Variants in FOCAD observed in about 807,000 individuals in gnomAD.
The protein encoded by FOCAD is KIAA1797.
In FOCAD, 198 loss-of-function variants were observed where a neutral mutation model predicts 225.6. The observed-to-expected ratio is 0.88, with a 90% confidence interval of 0.78 to 0.99. The LOEUF (loss-of-function observed/expected upper bound fraction) is 0.99. Among genes scored for constraint, FOCAD ranks in the 50% least tolerant of loss-of-function variants. The pLI is 0.00. For missense variants in FOCAD, 2,713 were observed against 2,123.6 expected (o/e 1.28, Z -5.46); for synonymous variants, 897 against 755.0 (o/e 1.19, Z -3.08).
At chr9:20,682,124 A>G (rs969201987), upstream of FOCAD, among the ~76,000 whole-genome samples, 2 of 152,206 alleles carry the variant, frequency 1.3e-5, no homozygotes, top group African/African-American at 2.4e-5. Context: ...GGCACCATCC[A>G]TGAGGAATGG....
intron 9 of FOCAD, 115 bp from the exon 10 acceptor site, chr9:20,781,612 G>A (rs928672281): frequency 5.3e-5 from 41 of 779,964 alleles, no homozygotes; most frequent in Non-Finnish European, 9.0e-5. Flanking sequence ...TTATGTGTCT[G>A]ACCCAGTTAT....
At chr9:20,725,772 G>C (rs1274017238) in intron 4 of FOCAD, among the ~76,000 whole-genome samples, 1 of 152,184 alleles carries the variant, frequency 6.6e-6, no homozygotes, top group Non-Finnish European at 1.5e-5. Flanking sequence ...TGATCTGGTT[G>C]TCTAAACTTC....
At chr9:20,810,791 G>A (rs889833626) in intron 11 of FOCAD, among the ~76,000 whole-genome samples, 1 of 152,038 alleles carries the variant, frequency 6.6e-6, no homozygotes, top group South Asian at 2.1e-4. Context: ...AGGAAGGGTC[G>A]TGGCTATTTT....
At chr9:20,979,832 C>A (rs1207945009) in intron 37 of FOCAD, among the ~76,000 whole-genome samples, 1 of 152,190 alleles carries the variant, frequency 6.6e-6, no homozygotes, top group Non-Finnish European at 1.5e-5. Context: ...TGAGTACTTA[C>A]AGAAATCAGA....
chr9:20,831,493 C>T (rs1201868870), intron 15 of FOCAD, among the ~76,000 whole-genome samples: 1 of 152,032 alleles, frequency 6.6e-6, no homozygotes, highest in Non-Finnish European at 1.5e-5. Context: ...CTTCTAGGAG[C>T]TCACAGTCTG....
At chr9:20,972,946 T>C (rs1839891158) in intron 35 of FOCAD, among the ~76,000 whole-genome samples, 1 of 152,036 alleles carries the variant, frequency 6.6e-6, no homozygotes, top group Non-Finnish European at 1.5e-5. Flanking sequence ...TCCTTGTTCC[T>C]GTGCTTCTGC....
chr9:20,861,784 T>C (rs1217042457), intron 15 of FOCAD, among the ~76,000 whole-genome samples: 1 of 152,198 alleles, frequency 6.6e-6, no homozygotes, highest in Non-Finnish European at 1.5e-5. Flanking sequence ...GACTATCTAA[T>C]TGATCTGTGT....
intron 1 of FOCAD, among the ~76,000 whole-genome samples, chr9:20,691,245 T>A (rs1822957808): frequency 6.6e-6 from 1 of 151,990 alleles, no homozygotes; most frequent in South Asian, 2.1e-4. Flanking sequence ...GCTGGCCCAA[T>A]CTCTGCTTCT....
chr9:20,785,037 G>C (rs1297426635), intron 10 of FOCAD, among the ~76,000 whole-genome samples: 1 of 151,988 alleles, frequency 6.6e-6, no homozygotes, highest in African/African-American at 2.4e-5. Flanking sequence ...CCTTCATGGG[G>C]TGGTTTATTG....
intron 7 of FOCAD, among the ~76,000 whole-genome samples, chr9:20,766,519 C>T (rs1830063653): frequency 6.6e-6 from 1 of 152,062 alleles, no homozygotes; most frequent in South Asian, 2.1e-4. Context: ...TACTTTTTGA[C>T]CTTCATTTTT....
chr9:20,806,881 G>A (rs1007699551), intron 11 of FOCAD, among the ~76,000 whole-genome samples: 8 of 152,174 alleles, frequency 5.3e-5, no homozygotes, highest in East Asian at 3.8e-4. Flanking sequence ...GTATAATAAC[G>A]TACGATAACA....
intron 6 of FOCAD, among the ~76,000 whole-genome samples, chr9:20,763,199 T>C (rs1455235608): frequency 8.5e-5 from 13 of 152,216 alleles, no homozygotes; most frequent in Admixed American, 8.5e-4. Context: ...ATTAATTAAA[T>C]GATTGAGCAT....
chr9:20,757,684 G>C (rs1218559496), intron 5 of FOCAD, among the ~76,000 whole-genome samples: 1 of 152,178 alleles, frequency 6.6e-6, no homozygotes, highest in Non-Finnish European at 1.5e-5. Context: ...GGAGGAAATG[G>C]AACTTACCAG....
At chr9:20,690,397 T>G (rs1217166079) in intron 1 of FOCAD, among the ~76,000 whole-genome samples, 1 of 152,214 alleles carries the variant, frequency 6.6e-6, no homozygotes, top group African/African-American at 2.4e-5. Context: ...TACAATTTAT[T>G]TGTTACCCCT....
At chr9:20,966,668 C>G (rs1180548897) in intron 35 of FOCAD, among the ~76,000 whole-genome samples, 1 of 151,914 alleles carries the variant, frequency 6.6e-6, no homozygotes, top group Non-Finnish European at 1.5e-5. Flanking sequence ...AAGCTGTTAA[C>G]CCATTTTGCG....
intron 1 of FOCAD, among the ~76,000 whole-genome samples, chr9:20,710,745 A>G (rs1056522954): frequency 2.0e-5 from 3 of 152,206 alleles, no homozygotes; most frequent in Admixed American, 1.3e-4. Flanking sequence ...TTTCTTTGAT[A>G]AAGGATATTT....
chr9:20,952,229 A>G (rs1164326526), intron 34 of FOCAD, among the ~76,000 whole-genome samples: 1 of 152,158 alleles, frequency 6.6e-6, no homozygotes, highest in Non-Finnish European at 1.5e-5. Context: ...TCTGGCCTAC[A>G]TATACTCAAA....
At chr9:20,791,262 C>CACACAG (rs1337721818) in intron 11 of FOCAD, among the ~76,000 whole-genome samples, 4 of 151,500 alleles carry the variant, frequency 2.6e-5, no homozygotes, top group Non-Finnish European at 4.4e-5. Flanking sequence ...CACACACACA[C>CACACAG]AGGAAATTTG....
chr9:20,831,912 A>G (rs1825532785), intron 15 of FOCAD, among the ~76,000 whole-genome samples: 1 of 152,042 alleles, frequency 6.6e-6, no homozygotes, highest in Non-Finnish European at 1.5e-5. Context: ...GTCTGCATAG[A>G]TATACCTATT....
Sources: gnomAD v4.1 joint callset for allele counts (sites outside exome capture counted in the v4.1 genomes callset) on GRCh38, gnomAD v4.1.1 for gene constraint, MANE v1.5 for transcripts, NCBI Gene and HGNC (gene_info 2026-07-23, HGNC 2026-07-21) for gene names.